Variants in PBX1 observed in about 807,000 individuals in gnomAD.
The protein encoded by PBX1 is PBX homeobox 1, also known as pre-B-cell leukemia transcription factor 1.
Under a neutral mutation model 53.4 loss-of-function variants are expected in PBX1, and 6 were observed. The ratio of observed to expected loss-of-function variants is 0.11; its 90% confidence interval spans 0.06 to 0.22. PBX1 has a LOEUF of 0.22. Ranked by LOEUF, PBX1 falls within the 10% of genes least tolerant of loss-of-function variation. The pLI is 1.00. For synonymous variants in PBX1, 204 were observed against 212.3 expected (o/e 0.96, Z 0.34); for missense variants, 251 against 551.4 (o/e 0.46, Z 5.46).
At position 164,849,401 on chromosome 1, in the gene PBX1, G is replaced by C; in HGVS notation, c.*2725G>C. On this transcript the variant is annotated 3_prime_UTR_variant, in exon 9 of 9. Coordinates refer to ENST00000420696, the MANE Select transcript of PBX1 (RefSeq NM_002585.4). The stretch of plus-strand genomic sequence containing the variant: ...TTCCGACTTCCAACGTGGCATCCGT[G>C]AGATCTGTCCACATTAGGCGAAGCA... 1 of 1,535,596 alleles carries C rather than the reference G, an allele frequency of 6.5e-7. No individual in the cohort carries two copies. Among genetic ancestry groups the C allele is most frequent in the Non-Finnish European group, 8.7e-7 (1 of 1,146,744 alleles).
intron 2 of PBX1, chr1:164,773,094 C>G (rs1185299738): frequency 6.6e-6 from 1 of 152,138 alleles, no homozygotes; most frequent in African/African-American, 2.4e-5. Context: ...TTGTTCTCAG[C>G]CCTCTGTACT....
Position 164,847,583 on chromosome 1 carries a change from T to G in PBX1, c.*907T>G. 9.4e-7 allele frequency: 1 copy of G among 1,063,026 alleles called. No individual in the cohort carries two copies. The highest frequency in any genetic ancestry group is 1.1e-6 in the Non-Finnish European group (1 of 877,862). 65.8% of individuals were successfully genotyped at this position (1,063,026 alleles called of 1,614,324 possible). On this transcript the variant is annotated 3_prime_UTR_variant, in exon 9 of 9. Coordinates refer to ENST00000420696, the MANE Select transcript of PBX1 (RefSeq NM_002585.4). ...ATCAGCAAGGAATAGAAAGTTCTTA[T>G]CGTGAAACCCTTCAACCTCAACTAT... is the stretch of plus-strand genomic sequence containing the variant.
intron 2 of PBX1, among the ~76,000 whole-genome samples, chr1:164,747,401 C>CTG (rs1483543821): frequency 6.6e-6 from 1 of 151,670 alleles, no homozygotes; most frequent in Non-Finnish European, 1.5e-5. Flanking sequence ...AAAAGGTAGA[C>CTG]TGAAGCTATT....
intron 2 of PBX1, among the ~76,000 whole-genome samples, chr1:164,775,252 A>G (rs1028377685): frequency 1.2e-4 from 19 of 152,154 alleles, no homozygotes; most frequent in Non-Finnish European, 2.9e-5. Context: ...CCTAGGACCC[A>G]CTGTCAAAGA....
chr1:164,603,509 A>G (rs534506586), intron 2 of PBX1, among the ~76,000 whole-genome samples: 1 of 152,366 alleles, frequency 6.6e-6, no homozygotes, highest in Admixed American at 6.5e-5. Context: ...ATGTGAAAAT[A>G]CAGATCCACA....
intron 2 of PBX1, among the ~76,000 whole-genome samples, chr1:164,711,841 C>T (rs940424596): frequency 6.6e-6 from 1 of 152,180 alleles, no homozygotes; most frequent in Admixed American, 6.5e-5. Flanking sequence ...TGCCGTCTGC[C>T]GGACACTGAA....
intron 2 of PBX1, among the ~76,000 whole-genome samples, chr1:164,782,790 A>G (rs1667996270): frequency 6.6e-6 from 1 of 152,210 alleles, no homozygotes; most frequent in African/African-American, 2.4e-5. Flanking sequence ...GGGTAAGACA[A>G]CATGGAGGTG....
At chr1:164,757,715 T>C (rs1274261557) in intron 2 of PBX1, among the ~76,000 whole-genome samples, 1 of 152,198 alleles carries the variant, frequency 6.6e-6, no homozygotes, top group Non-Finnish European at 1.5e-5. Flanking sequence ...ATTATTATTA[T>C]TTTTTAATCT....
chr1:164,843,146 A>T (rs1316401370), intron 8 of PBX1, among the ~76,000 whole-genome samples: 1 of 152,110 alleles, frequency 6.6e-6, no homozygotes, highest in East Asian at 1.9e-4. Context: ...AGCCGAAGTG[A>T]TTTACAGGAA....
chr1:164,794,640 C>A (rs1668697179), intron 3 of PBX1, among the ~76,000 whole-genome samples: 2 of 152,198 alleles, frequency 1.3e-5, no homozygotes, highest in Admixed American at 1.3e-4. Flanking sequence ...GTTTCCCCAA[C>A]CATGACCATC....
At chr1:164,659,721 G>A (rs563205729) in intron 2 of PBX1, among the ~76,000 whole-genome samples, 2 of 152,276 alleles carry the variant, frequency 1.3e-5, no homozygotes, top group South Asian at 2.1e-4. Flanking sequence ...CAGTTGGAAC[G>A]CCAGCCATGC....
At chr1:164,650,399 T>C (rs1200663374) in intron 2 of PBX1, among the ~76,000 whole-genome samples, 1 of 152,096 alleles carries the variant, frequency 6.6e-6, no homozygotes, top group Non-Finnish European at 1.5e-5. Flanking sequence ...TGACTAGTTT[T>C]TGTATTTTTA....
chr1:164,693,485 C>G (rs986735505), intron 2 of PBX1, among the ~76,000 whole-genome samples: 1 of 152,166 alleles, frequency 6.6e-6, no homozygotes, highest in Non-Finnish European at 1.5e-5. Context: ...GGTAGGGTCC[C>G]CACTATTCTA....
At chr1:164,612,570 A>G (rs1040865710) in intron 2 of PBX1, among the ~76,000 whole-genome samples, 32 of 152,004 alleles carry the variant, frequency 2.1e-4, no homozygotes, top group African/African-American at 7.7e-4. Context: ...CCCTCACCCC[A>G]TGATATCTGT....
chr1:164,613,573 A>G (rs565192132), intron 2 of PBX1, among the ~76,000 whole-genome samples: 41 of 152,308 alleles, frequency 2.7e-4, no homozygotes, highest in African/African-American at 9.6e-4. Context: ...CTTGGCACAC[A>G]GTGTTGCGGT....
At chr1:164,770,531 T>C (rs1293206437) in intron 2 of PBX1, 1 of 152,224 alleles carries the variant, frequency 6.6e-6, no homozygotes, top group Non-Finnish European at 1.5e-5. Context: ...CTGTTCTGTA[T>C]CTATGGGGGT....
intron 2 of PBX1, among the ~76,000 whole-genome samples, chr1:164,652,339 C>G (rs1039877942): frequency 8.5e-5 from 13 of 152,316 alleles, no homozygotes; most frequent in African/African-American, 2.9e-4. Context: ...AGATTTTCCT[C>G]CCCTCACTCC....
At chr1:164,601,214 C>T (rs193020839) in intron 2 of PBX1, among the ~76,000 whole-genome samples, 86 of 119,418 alleles carry the variant, frequency 7.2e-4, no homozygotes, top group African/African-American at 2.6e-3. Context: ...CCAGCCTGGG[C>T]GACAGAGCAA....
At chr1:164,792,431 T>C in intron 2 of PBX1, 63 bp from the exon 3 acceptor site, 1 of 1,589,168 alleles carries the variant, frequency 6.3e-7, no homozygotes, top group Non-Finnish European at 8.6e-7. Flanking sequence ...CACAAATGTG[T>C]TGTGTTTTTT....
Sources: allele counts gnomAD v4.1 joint callset (sites outside exome capture counted in the v4.1 genomes callset), GRCh38; gene constraint gnomAD v4.1.1; transcripts MANE v1.5; gene names NCBI Gene and HGNC (gene_info 2026-07-23, HGNC 2026-07-21).